FBN2: variants seen among roughly 807,000 people sequenced by gnomAD.
FBN2 encodes fibrillin 2.
FBN2 carries 105 observed loss-of-function variants against 355.6 expected under a neutral mutation model. The ratio of observed to expected loss-of-function variants is 0.30; its 90% CI spans 0.25 to 0.35. The LOEUF (loss-of-function observed/expected upper bound fraction) is 0.35. FBN2 is among the 10% of genes least tolerant of loss of function. FBN2 has a pLI of 1.00. For synonymous variants in FBN2, 1,350 were observed against 1,301.2 expected (o/e 1.04, Z -0.81); for missense variants, 3,280 against 3,758.7 (o/e 0.87, Z 3.33).
rs1365407688 is a variant in FBN2 at position 128,377,633 on chromosome 5, A to G, written c.1849+119T>C. On this transcript the variant is annotated intron_variant, in intron 13 of 64. Coordinates refer to ENST00000262464, the MANE Select transcript of FBN2 (RefSeq NM_001999.4). Reference sequence around the variant, plus strand: ...TATTAAATGCATTTGCATTTTACCTAAGTTACCTGAAGATCTCACATACGT... The same window carrying G: ...TATTAAATGCATTTGCATTTTACCTGAGTTACCTGAAGATCTCACATACGT... 4 of 1,053,688 alleles carry G rather than the reference A, an allele frequency of 3.8e-6. No individual in the cohort carries two copies. The East Asian group carries it at 9.5e-5, about 25-fold the overall frequency. 65.3% of individuals were successfully genotyped at this position (1,053,688 alleles called of 1,614,324 possible).
At chr5:128,438,997 T>G (rs2127044050) in intron 7 of FBN2, among the ~76,000 whole-genome samples, 1 of 152,254 alleles carries the variant, frequency 6.6e-6, no homozygotes, top group African/African-American at 2.4e-5. Context: ...TTTTAATATT[T>G]TTTATGAAAA....
chr5:128,431,182 G>A (rs1431997107), intron 7 of FBN2, among the ~76,000 whole-genome samples: 1 of 152,208 alleles, frequency 6.6e-6, no homozygotes, highest in Non-Finnish European at 1.5e-5. Context: ...AAAAACAGTA[G>A]AGCCAAATTT....
chr5:128,263,901 T>C (rs1765049028), intron 62 of FBN2, among the ~76,000 whole-genome samples: 1 of 152,198 alleles, frequency 6.6e-6, no homozygotes, highest in South Asian at 2.1e-4. Flanking sequence ...CTGCAGCCCT[T>C]GGGAACAGAT....
chr5:128,303,575 T>C (rs1231526338), intron 45 of FBN2, among the ~76,000 whole-genome samples: 1 of 152,182 alleles, frequency 6.6e-6, no homozygotes, highest in Non-Finnish European at 1.5e-5. Flanking sequence ...AATTCACTAT[T>C]AGCCTTCAAA....
At position 128,257,924 on chromosome 5, in the gene FBN2, T is replaced by C. The variant is rs1375043815; in HGVS notation, c.*1531A>G. ...GTCAGAAAAATACCCCAAAATAAGC[T>C]TTATTGCAAGAAAAGTGTCATATTT... On this transcript the variant is annotated 3_prime_UTR_variant, in exon 65 of 65. Transcript: ENST00000262464. The C allele has an allele frequency of 6.6e-6, 1 of 152,480 alleles. No individual in the cohort carries two copies. Among genetic ancestry groups the C allele is most frequent in the Non-Finnish European group, 1.5e-5 (1 of 68,030 alleles). 9.4% of individuals were successfully genotyped at this position (152,480 alleles called of 1,614,324 possible). A position where few individuals can be genotyped will look rare whatever the true frequency, so the allele number is the denominator to read the frequency against.
At chr5:128,440,392 C>T (rs1427341825) in intron 7 of FBN2, among the ~76,000 whole-genome samples, 1 of 152,140 alleles carries the variant, frequency 6.6e-6, no homozygotes. Flanking sequence ...AGGGAAGCTT[C>T]AGGAAACATA....
intron 27 of FBN2, 72 bp from the exon 28 acceptor site, chr5:128,336,185 C>G (rs997346892): frequency 2.3e-5 from 34 of 1,481,468 alleles, no homozygotes; most frequent in Non-Finnish European, 3.2e-5. Context: ...GGTGCTTCAC[C>G]AGAGCAGTGG....
At chr5:128,537,088 G>A (rs981485540) in intron 1 of FBN2, among the ~76,000 whole-genome samples, 2 of 152,090 alleles carry the variant, frequency 1.3e-5, no homozygotes, top group Admixed American at 1.3e-4. Flanking sequence ...CTCTGCACAC[G>A]CTCTGCGATC....
chr5:128,508,086 T>C (rs908854577), intron 5 of FBN2, among the ~76,000 whole-genome samples: 1 of 152,094 alleles, frequency 6.6e-6, no homozygotes, highest in Non-Finnish European at 1.5e-5. Context: ...ACTTAGCTAC[T>C]CCAGCTTTAA....
At chr5:128,535,139 G>C (rs1756813646) in intron 2 of FBN2, among the ~76,000 whole-genome samples, 1 of 152,204 alleles carries the variant, frequency 6.6e-6, no homozygotes, top group African/African-American at 2.4e-5. Context: ...ATTATAATCA[G>C]AGGATTTGTT....
chr5:128,338,918 G>A lies in FBN2; in HGVS notation c.3472+15C>T. 1 of 1,613,494 alleles carries A rather than the reference G, an allele frequency of 6.2e-7. No homozygotes were observed. Among genetic ancestry groups the A allele is most frequent in the East Asian group, 2.2e-5 (1 of 44,848 alleles). ...TATGGTTTCAAGCTGGCGAGGAAGA[G>A]CTCACGGTGCTTACCCATGCAGTTC... On this transcript the variant is annotated intron_variant, in intron 26 of 64. Transcript: ENST00000262464.
chr5:128,370,478 A>G (rs1751903593), intron 15 of FBN2, among the ~76,000 whole-genome samples: 1 of 152,190 alleles, frequency 6.6e-6, no homozygotes, highest in Non-Finnish European at 1.5e-5. Flanking sequence ...GAAGGAGGCC[A>G]TGGAATTCAC....
chr5:128,391,146 G>T (rs1031891032), intron 11 of FBN2, among the ~76,000 whole-genome samples: 1 of 152,140 alleles, frequency 6.6e-6, no homozygotes, highest in African/African-American at 2.4e-5. Flanking sequence ...ATTCTACATG[G>T]TTAACTAAAC....
At chr5:128,274,414 T>C (rs191993091) in intron 60 of FBN2, among the ~76,000 whole-genome samples, 153 bp downstream of exon 60, 2 of 152,284 alleles carry the variant, frequency 1.3e-5, no homozygotes, top group Admixed American at 6.5e-5. Flanking sequence ...CTTGAAAATA[T>C]CTATCTTATT....
chr5:128,413,601 C>CT (rs1753123200), intron 7 of FBN2, among the ~76,000 whole-genome samples: 1 of 152,098 alleles, frequency 6.6e-6, no homozygotes, highest in African/African-American at 2.4e-5. Flanking sequence ...TCCTGTAAAT[C>CT]TTACACTAAA....
rs147272272 is a variant in FBN2 at position 128,379,230 on chromosome 5, T to C, written c.1604-340A>G. On this transcript the variant is annotated intron_variant, in intron 11 of 64. Transcript: ENST00000262464. ...ATTGCTTACACCAATGTGGGCAAGTTAATAACCTCTCTAAGGCTTAGTAAA... is the reference window on the plus strand; with the variant it reads ...ATTGCTTACACCAATGTGGGCAAGTCAATAACCTCTCTAAGGCTTAGTAAA... 4.3e-4 allele frequency among the ~76,000 whole-genome samples: 66 copies of C among 152,272 alleles called. No individual in the cohort carries two copies. In the East Asian group the frequency reaches 9.5e-3, roughly 22 times the overall value.
At chr5:128,318,841 A>G (rs776539574) in intron 35 of FBN2, 38 bp downstream of exon 35, 3 of 1,602,464 alleles carry the variant, frequency 1.9e-6, no homozygotes, top group South Asian at 2.2e-5. Flanking sequence ...ACTCATTTCA[A>G]TGAATCAGAA....
At chr5:128,335,670 AT>A in intron 28 of FBN2, 93 bp from the exon 29 acceptor site, 1 of 1,441,718 alleles carries the variant, frequency 6.9e-7, no homozygotes, top group Non-Finnish European at 9.8e-7. Context: ...GTGGCTTTGA[AT>A]TTTTCTCCCC....
chr5:128,377,653 A>G, intron 13 of FBN2, 99 bp downstream of exon 13: 4 of 1,247,502 alleles, frequency 3.2e-6, no homozygotes, highest in Middle Eastern at 3.7e-4. Flanking sequence ...AAGATCTCAC[A>G]TACGTGGTGT....
Sources: allele counts gnomAD v4.1 joint callset (sites outside exome capture counted in the v4.1 genomes callset), GRCh38; gene constraint gnomAD v4.1.1; transcripts MANE v1.5; gene names NCBI Gene and HGNC (gene_info 2026-07-23, HGNC 2026-07-21).